TSBP1: variants seen among roughly 807,000 people sequenced by gnomAD.
TSBP1 encodes the protein testis expressed basic protein 1.
In TSBP1, 56 loss-of-function variants were observed where a neutral mutation model predicts 68.8. The observed-to-expected ratio is 0.81, with a 90% CI of 0.66 to 1.02. The LOEUF (loss-of-function observed/expected upper bound fraction) is 1.02, where lower values mean the gene tolerates loss of function less well. TSBP1 is among the 50% of genes least tolerant of loss of function. TSBP1 has a pLI of 0.00. For missense variants in TSBP1, 502 were observed against 641.2 expected, an observed-to-expected ratio of 0.78 and a Z score of 2.34; for synonymous variants, 171 against 208.7, an observed-to-expected ratio of 0.82 and a Z score of 1.56.
intron 22 of TSBP1, among the ~76,000 whole-genome samples, chr6:32,297,987 A>G (rs1259405204): frequency 2.0e-5 from 3 of 152,212 alleles, no homozygotes; most frequent in African/African-American, 7.2e-5. Context: ...AAATTTTTTA[A>G]AAGATTAAAC....
At chr6:32,364,660 T>C (rs1237124929) in intron 6 of TSBP1, among the ~76,000 whole-genome samples, 2 of 152,202 alleles carry the variant, frequency 1.3e-5, no homozygotes, top group East Asian at 3.8e-4. Context: ...TTGTGTTGTC[T>C]TGTAGCTCAC....
In TSBP1 at chr6:32,300,704, A is replaced by T. The variant is rs781701421; in HGVS notation, c.602-4T>A. The T allele has an allele frequency of 3.1e-5, 50 of 1,612,334 alleles. No homozygotes were observed. The South Asian group carries it at 5.2e-4, about 17-fold the overall frequency. On this transcript the variant is annotated splice_polypyrimidine_tract_variant and splice_region_variant and intron_variant, in intron 20 of 22. Coordinates refer to ENST00000612031, the Ensembl canonical transcript of TSBP1. ...CTGATTTTTCCAGAACTGTCCACTG[A>T]AAGAGATAAAGGCAAACACATCAGT...
At chr6:32,360,934 G>T (rs1359290350) in intron 6 of TSBP1, among the ~76,000 whole-genome samples, 1 of 151,012 alleles carries the variant, frequency 6.6e-6, no homozygotes, top group African/African-American at 2.4e-5. Context: ...CAATGTGCAG[G>T]TTTGTTACAT....
intron 9 of TSBP1, among the ~76,000 whole-genome samples, chr6:32,346,546 T>C (rs1386871920): frequency 7.3e-6 from 1 of 137,628 alleles, no homozygotes; most frequent in East Asian, 2.2e-4. Flanking sequence ...TTTAAAATAC[T>C]GTATCTCAAG....
intron 20 of TSBP1, among the ~76,000 whole-genome samples, chr6:32,301,813 A>ACCATAG (rs9281726): frequency 0.25 from 37,633 of 151,376 alleles, 5,022 homozygotes; most frequent in African/African-American, 0.33. Context: ...GGGTATTTAA[A>ACCATAG]AATGGGAGTT....
At chr6:32,345,378 T>C (rs1027163129) in intron 9 of TSBP1, among the ~76,000 whole-genome samples, 2 of 152,192 alleles carry the variant, frequency 1.3e-5, no homozygotes, top group Admixed American at 1.3e-4. Context: ...TCTGAGTTAA[T>C]TGGTTTATAA....
At chr6:32,326,018 A>C in intron 16 of TSBP1, 1 of 1,532,774 alleles carries the variant, frequency 6.5e-7, no homozygotes, top group Non-Finnish European at 8.9e-7. Context: ...AATTACAACA[A>C]TCAGTCTTCA....
chr6:32,353,565 A>T (rs1771940927), intron 8 of TSBP1, among the ~76,000 whole-genome samples: 1 of 152,032 alleles, frequency 6.6e-6, no homozygotes, highest in Admixed American at 6.5e-5. Flanking sequence ...AGAAATTATG[A>T]AATTCTTGTG....
At chr6:32,329,196 C>G (rs1768630988) in intron 16 of TSBP1, among the ~76,000 whole-genome samples, 1 of 151,950 alleles carries the variant, frequency 6.6e-6, no homozygotes, top group African/African-American at 2.4e-5. Flanking sequence ...TATACACTAT[C>G]ATATTTTTAA....
chr6:32,363,772 T>C (rs1773334722), intron 6 of TSBP1, among the ~76,000 whole-genome samples: 1 of 152,134 alleles, frequency 6.6e-6, no homozygotes, highest in South Asian at 2.1e-4. Context: ...AAGTTATTTA[T>C]ATACCATCAT....
rs1483345505 is a variant in TSBP1 at position 32,339,001 on chromosome 6, T to G, written c.389-2A>C. The G allele has an allele frequency of 1.2e-6, 2 of 1,611,608 alleles. No homozygotes were observed. Among genetic ancestry groups the G allele is most frequent in the Non-Finnish European group, 1.7e-6 (2 of 1,178,800 alleles). On this transcript the variant is annotated splice_acceptor_variant, in intron 10 of 22. Transcript: ENST00000612031. LOFTEE classifies it high-confidence loss of function. ...TACTCATGGCTCCTGCAGTTCTGGC[T>G]AAAATACAAACAAAAAAGGTGAGTT...
intron 6 of TSBP1, among the ~76,000 whole-genome samples, chr6:32,360,882 TC>T (rs1232897424): frequency 2.4e-4 from 24 of 100,764 alleles, no homozygotes; most frequent in South Asian, 7.4e-4. Flanking sequence ...TTTCTCTCTC[TC>T]TTTTTTTTTA....
In TSBP1 at chr6:32,321,829, G is replaced by A. The variant is rs530384014; in HGVS notation, c.559+1288C>T. ...TGCAATCTGTTAGAGTAACCCAGAT[G>A]TCTGTCATGTTTAAAACTTGGAAAA... On this transcript the variant is annotated intron_variant, in intron 18 of 22. Coordinates refer to ENST00000612031, the Ensembl canonical transcript of TSBP1. This position sits in a 1 kb window ranked among gnomAD's most constrained non-coding sequence, Gnocchi z 4.3. Among the ~76,000 whole-genome samples, 78 of 152,340 alleles carry A rather than the reference G, an allele frequency of 5.1e-4. No individual in the cohort carries two copies. In the South Asian group the frequency reaches 0.014, roughly 28 times the overall value.
intron 22 of TSBP1, among the ~76,000 whole-genome samples, chr6:32,298,283 G>T (rs1764909589): frequency 6.6e-6 from 1 of 152,028 alleles, no homozygotes; most frequent in African/African-American, 2.4e-5. Flanking sequence ...TGAATCAAAA[G>T]AAATTAATTT....
chr6:32,311,818 C>A (rs1163849759), intron 19 of TSBP1, among the ~76,000 whole-genome samples: 1 of 152,132 alleles, frequency 6.6e-6, no homozygotes, highest in Non-Finnish European at 1.5e-5. Flanking sequence ...AACCCATCTC[C>A]TGGTTGAATA....
rs926425664 is a variant in TSBP1, at chr6:32,357,106, G to A, written c.218-1437C>T. ...TGGAGGGAAGACTAGCAGGGCGTGG[G>A]AACCTAGAAACTTAGGATGACTGAG... On this transcript the variant is annotated intron_variant, in intron 6 of 22. Coordinates refer to ENST00000612031, the Ensembl canonical transcript of TSBP1. This position sits in a 1 kb window ranked among gnomAD's most constrained non-coding sequence, Gnocchi z 4.7. Among the ~76,000 whole-genome samples, 1 of 152,136 alleles carries A rather than the reference G, an allele frequency of 6.6e-6. No individual in the cohort carries two copies. Among genetic ancestry groups the A allele is most frequent in the Non-Finnish European group, 1.5e-5 (1 of 68,022 alleles).
Position 32,327,963 on chromosome 6 carries a change from TA to T in TSBP1, c.514+2625del, listed in dbSNP as rs761481493. Among the ~76,000 whole-genome samples, 629 of 138,772 alleles carry T rather than the reference TA, an allele frequency of 4.5e-3. 28 individuals are homozygous for T. In the East Asian group the frequency reaches 0.088, roughly 19 times the overall value. The allele number at this position is 138,772 out of a possible 152,430, so 91.0% of individuals were successfully genotyped here. On this transcript the variant is annotated intron_variant, in intron 16 of 22. Coordinates refer to ENST00000612031, the Ensembl canonical transcript of TSBP1. Reference sequence around the variant, plus strand: ...CCCGCCACCATGCCCGACTTATTATTATTTTTTTTTTTTTGTATTTTTAGTA... The same window carrying T: ...CCCGCCACCATGCCCGACTTATTATTTTTTTTTTTTTTTGTATTTTTAGTA...
At position 32,298,713 on chromosome 6, in the gene TSBP1, T is replaced by G. The variant is rs28366174; in HGVS notation, c.637+1209A>C. ...AAACACGATTAAATATAAGGACATA[T>G]TTTGTGTTTGTGTCAGTGTTTGGAA... On this transcript the variant is annotated intron_variant, in intron 22 of 22. Coordinates refer to ENST00000612031, the Ensembl canonical transcript of TSBP1. Among the ~76,000 whole-genome samples the G allele has an allele frequency of 7.1e-3, 1,084 of 152,302 alleles. 8 individuals are homozygous for G. The highest frequency in any genetic ancestry group is 0.065 in the Middle Eastern group (19 of 294).
chr6:32,358,365 C>T (rs1772572990), intron 6 of TSBP1, among the ~76,000 whole-genome samples: 1 of 152,074 alleles, frequency 6.6e-6, no homozygotes, highest in Non-Finnish European at 1.5e-5. Flanking sequence ...AATTTTATTG[C>T]ACAAGTCATA....
Sources: allele counts gnomAD v4.1 joint callset (sites outside exome capture counted in the v4.1 genomes callset), GRCh38; gene constraint gnomAD v4.1.1; non-coding constraint Gnocchi (gnomAD v3.1); transcripts MANE v1.5; gene names NCBI Gene and HGNC (gene_info 2026-07-23, HGNC 2026-07-21).